RSPO1: variants seen among roughly 807,000 people sequenced by gnomAD.
RSPO1 encodes the protein R-spondin 1.
RSPO1 carries 18 observed loss-of-function variants against 26.0 expected under a neutral mutation model. The ratio of observed to expected loss-of-function variants is 0.69; its 90% CI spans 0.48 to 1.03. RSPO1 has a LOEUF of 1.03. Ranked by LOEUF, RSPO1 falls within the 50% of genes least tolerant of loss-of-function variation. The probability of loss-of-function intolerance (pLI) is 0.00; values close to 1 mark genes in which losing one functional copy is unlikely to be tolerated. For missense variants in RSPO1, 309 were observed against 352.3 expected, an observed-to-expected ratio of 0.88 and a Z score of 0.98; for synonymous variants, 133 against 137.4, an observed-to-expected ratio of 0.97 and a Z score of 0.22.
At chr1:37,625,336 C>T (rs1352156315) in intron 3 of RSPO1, among the ~76,000 whole-genome samples, 1 of 152,166 alleles carries the variant, frequency 6.6e-6, no homozygotes, top group African/African-American at 2.4e-5. Context: ...TGAAAATTCA[C>T]TACAGTGGAG....
intron 3 of RSPO1, among the ~76,000 whole-genome samples, chr1:37,623,762 CTTT>C (rs569201016): frequency 7.1e-6 from 1 of 140,326 alleles, no homozygotes. Flanking sequence ...CTCTCCCTCT[CTTT>C]TTTTTTTTTT....
chr1:37,622,068 A>G (rs1445058936), intron 3 of RSPO1, among the ~76,000 whole-genome samples: 1 of 152,206 alleles, frequency 6.6e-6, no homozygotes, highest in Non-Finnish European at 1.5e-5. Context: ...GGAACTGGAC[A>G]TTGAAGAGAA....
rs745637869 is a variant in RSPO1 at position 37,613,664 on chromosome 1, C to T, written c.625+40G>A. ...GTGGCAGGACCTGTCATGGCTGGTG[C>T]CTGAGCCCTGACCCCAGGGAGGCAG... On this transcript the variant is annotated intron_variant, in intron 6 of 6. Transcript: ENST00000356545. The surrounding 1 kb of genome is among the most constrained non-coding windows in gnomAD (Gnocchi z 4.5). 1.2e-5 allele frequency: 18 copies of T among 1,555,138 alleles called. No homozygotes were observed. Among genetic ancestry groups the T allele is most frequent in the Non-Finnish European group, 1.5e-5 (17 of 1,136,944 alleles).
At chr1:37,632,808 A>C (rs1266260219) in intron 1 of RSPO1, among the ~76,000 whole-genome samples, 2 of 152,098 alleles carry the variant, frequency 1.3e-5, no homozygotes, top group East Asian at 3.9e-4. Context: ...ACAGGCATGC[A>C]CTCTTGCAGA....
chr1:37,626,644 G>A (rs1644280671), intron 3 of RSPO1, among the ~76,000 whole-genome samples: 1 of 152,174 alleles, frequency 6.6e-6, no homozygotes, highest in Non-Finnish European at 1.5e-5. Flanking sequence ...GGGACTGTAA[G>A]GCTGTCAGTG....
At chr1:37,625,983 C>T (rs1280313477) in intron 3 of RSPO1, among the ~76,000 whole-genome samples, 1 of 152,178 alleles carries the variant, frequency 6.6e-6, no homozygotes, top group African/African-American at 2.4e-5. Flanking sequence ...AAGCCAGACC[C>T]AGGATTCTTT....
rs1644329292 is a variant in RSPO1 at position 37,629,735 on chromosome 1, A to G, written c.-74T>C. 2 of 1,585,256 alleles carry G rather than the reference A, an allele frequency of 1.3e-6. No individual in the cohort carries two copies. The highest frequency in any genetic ancestry group is 1.1e-5 in the South Asian group (1 of 87,832). On this transcript the variant is annotated 5_prime_UTR_variant, in exon 3 of 7. An upstream open reading frame in the 5' UTR loses its in-frame stop. Coordinates refer to ENST00000356545, the MANE Select transcript of RSPO1 (RefSeq NM_001242908.2). ...GGGTGGATAGCACACGGCTCTTGCT[A>G]ACACCTCTGGGGCTGGGTCAGCAGC...
rs79613864 is a variant in RSPO1 at position 37,618,739 on chromosome 1, G to A, written c.95-2064C>T. The stretch of plus-strand genomic sequence containing the variant: ...GGTGATTCCCAGATGTTTGGCCTGG[G>A]GTGTGGGTGAGCTGTGGGGCCAGAC... On this transcript the variant is annotated intron_variant, in intron 3 of 6. Transcript: ENST00000356545. Among the ~76,000 whole-genome samples, 678 of 152,284 alleles carry A rather than the reference G, an allele frequency of 4.5e-3. 7 individuals carry two copies. Among genetic ancestry groups the A allele is most frequent in the African/African-American group, 0.015 (636 of 41,548 alleles).
chr1:37,629,090 G>A (rs1265630570), intron 3 of RSPO1, among the ~76,000 whole-genome samples: 1 of 152,204 alleles, frequency 6.6e-6, no homozygotes, highest in African/African-American at 2.4e-5. Flanking sequence ...CACTGTTCCT[G>A]CCCTATGATC....
chr1:37,621,664 T>A (rs1644205127), intron 3 of RSPO1, among the ~76,000 whole-genome samples: 1 of 152,148 alleles, frequency 6.6e-6, no homozygotes, highest in Non-Finnish European at 1.5e-5. Flanking sequence ...AGTTTGCGGT[T>A]CCTGTGGAAC....
At chr1:37,632,158 G>C (rs1644368680) in intron 2 of RSPO1, 129 bp downstream of exon 2, 1 of 152,198 alleles carries the variant, frequency 6.6e-6, no homozygotes, top group Non-Finnish European at 1.5e-5. Context: ...ACCTGTCATG[G>C]TGCCTGGCAA....
intron 1 of RSPO1, among the ~76,000 whole-genome samples, chr1:37,632,669 A>T (rs1644376930): frequency 6.6e-6 from 1 of 152,172 alleles, no homozygotes; most frequent in South Asian, 2.1e-4. Flanking sequence ...TCTTACATGA[A>T]ATCTGATTTG....
At chr1:37,632,711 T>A (rs947253247) in intron 1 of RSPO1, among the ~76,000 whole-genome samples, 9 of 152,220 alleles carry the variant, frequency 5.9e-5, no homozygotes, top group Non-Finnish European at 7.3e-5. Context: ...CTAGGAACCC[T>A]GCAGCACCAA....
chr1:37,620,217 A>G (rs1286956541), intron 3 of RSPO1, among the ~76,000 whole-genome samples: 3 of 152,192 alleles, frequency 2.0e-5, no homozygotes, highest in Non-Finnish European at 4.4e-5. Flanking sequence ...TATTTTTGGA[A>G]AATGAAATTT....
rs529944327 is a variant in RSPO1 at position 37,633,556 on chromosome 1, A to G, written c.-356+1010T>C. ...TCAGGGGCCCGATACAGACCCAAAA[A>G]TGTAAACTATCTAGATAATTTCGCA... On this transcript the variant is annotated intron_variant, in intron 1 of 6. Transcript: ENST00000356545. 2.3e-3 allele frequency among the ~76,000 whole-genome samples: 354 copies of G among 152,166 alleles called. 14 individuals are homozygous for G. In the South Asian group the frequency reaches 0.068, roughly 29 times the overall value.
intron 3 of RSPO1, among the ~76,000 whole-genome samples, chr1:37,627,944 T>A (rs1644303087): frequency 6.6e-6 from 1 of 152,202 alleles, no homozygotes; most frequent in African/African-American, 2.4e-5. Context: ...GGCTGTTAGA[T>A]GTGGCCATAT....
chr1:37,629,208 TG>T (rs1022914518), intron 3 of RSPO1, among the ~76,000 whole-genome samples: 2 of 152,184 alleles, frequency 1.3e-5, no homozygotes, highest in Admixed American at 6.5e-5. Context: ...GCAGGGGGAT[TG>T]GGGAAGCATC....
intron 3 of RSPO1, among the ~76,000 whole-genome samples, chr1:37,618,575 G>A (rs114091460): frequency 0.012 from 1,753 of 152,288 alleles, 40 homozygotes; most frequent in African/African-American, 0.04. Flanking sequence ...ATCCAGGTGA[G>A]AAAAGTGAGA....
In RSPO1 at chr1:37,612,838, C is replaced by A; in HGVS notation, c.709G>T (p.Ala237Ser). 1 of 1,613,872 alleles carries A rather than the reference C, an allele frequency of 6.2e-7. No individual in the cohort carries two copies. Residue 237 changes from alanine to serine, a missense_variant, in exon 7 of 7, where the codon GCT (alanine) becomes TCT (serine). Ala to Ser is a moderately conservative substitution (Grantham distance 99, BLOSUM62 1). Transcript: ENST00000356545. ...LARKESKEAGAGSRRRKGQQQ... is the reference protein window; with the variant it reads ...LARKESKEAGSGSRRRKGQQQ... ...TGCCCCTTGCGTCTTCGAGAGCCAG[C>A]ACCCGCCTCCTTGCTCTCCTTCCTG...
Sources: gnomAD v4.1 joint callset for allele counts (sites outside exome capture counted in the v4.1 genomes callset) on GRCh38, gnomAD v4.1.1 for gene constraint, Gnocchi (gnomAD v3.1) non-coding constraint, MANE v1.5 for transcripts, NCBI Gene and HGNC (gene_info 2026-07-23, HGNC 2026-07-21) for gene names.